The following EFNA5 variants were observed in gnomAD, a reference collection of about 807,000 sequenced individuals.
EFNA5 encodes ephrin A5, also known as ephrin-A5.
A neutral mutation model predicts 22.9 loss-of-function variants in EFNA5; 5 were observed. The ratio of observed to expected loss-of-function variants is 0.22; its 90% CI spans 0.11 to 0.46. The LOEUF (loss-of-function observed/expected upper bound fraction) is 0.46. Among genes scored for constraint, EFNA5 ranks in the 20% least tolerant of loss-of-function variants. EFNA5 has a pLI of 0.99. For synonymous variants in EFNA5, 113 were observed against 112.2 expected, an observed-to-expected ratio of 1.01 and a Z score of -0.04; for missense variants, 237 against 293.3, an observed-to-expected ratio of 0.81 and a Z score of 1.40.
At chr5:107,525,080 A>C (rs1336998507) in intron 1 of EFNA5, among the ~76,000 whole-genome samples, 1 of 152,214 alleles carries the variant, frequency 6.6e-6, no homozygotes, top group Non-Finnish European at 1.5e-5. Flanking sequence ...GGGATTTTAC[A>C]TTCAGATCCA....
intron 1 of EFNA5, among the ~76,000 whole-genome samples, chr5:107,555,462 T>C (rs1328331571): frequency 1.3e-5 from 2 of 152,208 alleles, no homozygotes; most frequent in Non-Finnish European, 2.9e-5. Context: ...TCATCATTAT[T>C]TTATTCTACA....
intron 1 of EFNA5, among the ~76,000 whole-genome samples, chr5:107,565,075 G>A (rs73198650): frequency 0.04 from 6,076 of 152,242 alleles, 423 homozygotes; most frequent in African/African-American, 0.14. Flanking sequence ...AGTCCACGCT[G>A]GAACTAATTG....
At chr5:107,484,626 G>C (rs937752957) in intron 1 of EFNA5, among the ~76,000 whole-genome samples, 1 of 152,178 alleles carries the variant, frequency 6.6e-6, no homozygotes, top group African/African-American at 2.4e-5. Flanking sequence ...GGCACTGGGA[G>C]TAAGACCACT....
chr5:107,564,509 C>T (rs893478900), intron 1 of EFNA5, among the ~76,000 whole-genome samples: 4 of 152,028 alleles, frequency 2.6e-5, no homozygotes, highest in African/African-American at 7.2e-5. Flanking sequence ...TATTGTATTC[C>T]CCAAAAGCAC....
At chr5:107,415,298 C>CAA (rs1748474519) in intron 2 of EFNA5, among the ~76,000 whole-genome samples, 2 of 152,116 alleles carry the variant, frequency 1.3e-5, no homozygotes, top group Admixed American at 1.3e-4. Context: ...TGATAAGCCT[C>CAA]AAATCAGTTT....
chr5:107,445,175 G>A (rs532030127), intron 1 of EFNA5, among the ~76,000 whole-genome samples: 42 of 152,014 alleles, frequency 2.8e-4, no homozygotes, highest in Admixed American at 7.2e-4. Context: ...GGCATCCACC[G>A]TCACACTCGG....
At chr5:107,508,866 G>T (rs1747303323) in intron 1 of EFNA5, among the ~76,000 whole-genome samples, 1 of 152,010 alleles carries the variant, frequency 6.6e-6, no homozygotes, top group South Asian at 2.1e-4. Context: ...ACAGAATTAG[G>T]TATATTCATT....
At chr5:107,462,303 A>C (rs2112457025) in intron 1 of EFNA5, among the ~76,000 whole-genome samples, 1 of 152,280 alleles carries the variant, frequency 6.6e-6, no homozygotes, top group Non-Finnish European at 1.5e-5. Flanking sequence ...AGAGATGAGC[A>C]AAAAAGAGAA....
At chr5:107,388,611 A>G (rs1053970495) in intron 2 of EFNA5, 1 of 152,240 alleles carries the variant, frequency 6.6e-6, no homozygotes, top group East Asian at 1.9e-4. Context: ...GTGTACACAC[A>G]GCAAAATGTC....
In EFNA5 at chr5:107,447,269, A is replaced by T. The variant is rs575865074; in HGVS notation, c.126-19760T>A. 4.9e-4 allele frequency among the ~76,000 whole-genome samples: 75 copies of T among 152,312 alleles called. 1 individual carries two copies. Among genetic ancestry groups the T allele is most frequent in the Middle Eastern group, 3.4e-3 (1 of 294 alleles). ...AAGTGTCTTCACACTGCATTAGACT[A>T]AATGATGTTTCTCTACAGGAAGGCC... On this transcript the variant is annotated intron_variant, in intron 1 of 4. Coordinates refer to ENST00000333274, the MANE Select transcript of EFNA5 (RefSeq NM_001962.3).
chr5:107,481,789 G>A (rs1189402259), intron 1 of EFNA5, among the ~76,000 whole-genome samples: 1 of 150,448 alleles, frequency 6.6e-6, no homozygotes, highest in Non-Finnish European at 1.5e-5. Flanking sequence ...GGCAGAGGTT[G>A]CAGTGAGCTG....
At chr5:107,411,465 G>A (rs930129443) in intron 2 of EFNA5, among the ~76,000 whole-genome samples, 4 of 152,180 alleles carry the variant, frequency 2.6e-5, no homozygotes, top group Non-Finnish European at 5.9e-5. Flanking sequence ...AGGAACTTGC[G>A]TCCTGAGTAG....
At position 107,622,950 on chromosome 5, in the gene EFNA5, A is replaced by G. The variant is rs541066886; in HGVS notation, c.125+47539T>C. ...GCAGGAGAATGGCGTGAACCCGGGA[A>G]GCGGAGCTTGCAGTGAGCCGAGATT... On this transcript the variant is annotated intron_variant, in intron 1 of 4. Coordinates refer to ENST00000333274, the MANE Select transcript of EFNA5 (RefSeq NM_001962.3). Among the ~76,000 whole-genome samples the G allele has an allele frequency of 5.6e-3, 787 of 139,940 alleles. 13 individuals are homozygous for G. Among genetic ancestry groups the G allele is most frequent in the Non-Finnish European group, 4.2e-3 (276 of 65,406 alleles). The allele number at this position is 139,940 out of a possible 152,430, so 91.8% of individuals were successfully genotyped here. A position where few individuals can be genotyped will look rare whatever the true frequency, so the allele number is the denominator to read the frequency against.
rs538771951 is a variant in EFNA5, at chr5:107,516,416, C to T, written c.126-88907G>A. On this transcript the variant is annotated intron_variant, in intron 1 of 4. Transcript: ENST00000333274. ...CCTCAAAAGTAAAAAAGAAAAACCT[C>T]TATGAAAGGAAATGACTTGGGCTTG... Among the ~76,000 whole-genome samples, 26 of 152,144 alleles carry T rather than the reference C, an allele frequency of 1.7e-4. 1 individual carries two copies. In the East Asian group the frequency reaches 2.9e-3, roughly 17 times the overall value.
chr5:107,485,439 G>C, intron 1 of EFNA5, among the ~76,000 whole-genome samples: 1 of 152,194 alleles, frequency 6.6e-6, no homozygotes, highest in East Asian at 1.9e-4. Flanking sequence ...GGGGATGACA[G>C]ATAAACAGCA....
At chr5:107,435,823 A>C (rs1009824523) in intron 1 of EFNA5, among the ~76,000 whole-genome samples, 1 of 152,214 alleles carries the variant, frequency 6.6e-6, no homozygotes, top group Non-Finnish European at 1.5e-5. Flanking sequence ...ACATTAATGA[A>C]AGTTCCAACA....
chr5:107,520,103 C>A (rs1747562956), intron 1 of EFNA5, among the ~76,000 whole-genome samples: 1 of 152,192 alleles, frequency 6.6e-6, no homozygotes, highest in African/African-American at 2.4e-5. Flanking sequence ...ACACGAAAGA[C>A]AGATGTGAAG....
chr5:107,461,109 G>T (rs534600819), intron 1 of EFNA5, among the ~76,000 whole-genome samples: 8 of 152,058 alleles, frequency 5.3e-5, no homozygotes, highest in African/African-American at 1.9e-4. Flanking sequence ...AAGTAAAAGA[G>T]GTAGGAATCA....
chr5:107,634,458 G>T (rs1201315171), intron 1 of EFNA5, among the ~76,000 whole-genome samples: 1 of 147,882 alleles, frequency 6.8e-6, no homozygotes, highest in Non-Finnish European at 1.5e-5. Flanking sequence ...TGAGGTTGCA[G>T]TTAGCTATGA....
Sources: gnomAD v4.1 joint callset for allele counts (sites outside exome capture counted in the v4.1 genomes callset) on GRCh38, gnomAD v4.1.1 for gene constraint, MANE v1.5 for transcripts, NCBI Gene and HGNC (gene_info 2026-07-23, HGNC 2026-07-21) for gene names.